The following RTTN variants were observed in gnomAD, a reference collection of about 807,000 sequenced individuals.
The protein encoded by RTTN is rotatin.
Under a neutral mutation model 269.2 loss-of-function variants are expected in RTTN, and 182 were observed. The ratio of observed to expected loss-of-function variants is 0.68; its 90% CI spans 0.60 to 0.76. The LOEUF is 0.76. RTTN is among the 30% of genes least tolerant of loss of function. RTTN has a pLI of 0.00. For missense variants in RTTN, 2,545 were observed against 2,608.6 expected, an observed-to-expected ratio of 0.98 and a Z score of 0.53; for synonymous variants, 1,006 against 963.5, an observed-to-expected ratio of 1.04 and a Z score of -0.82.
Position 70,168,839 on chromosome 18 carries a change from T to C in RTTN, c.1689+16A>G. 1 of 1,568,668 alleles carries C rather than the reference T, an allele frequency of 6.4e-7. No homozygotes were observed. The highest frequency in any genetic ancestry group is 8.7e-7 in the Non-Finnish European group (1 of 1,153,638). On this transcript the variant is annotated intron_variant, in intron 12 of 48. Transcript: ENST00000640769. ...TGTCAAAGGGATTTAAAAGAGATAT[T>C]AAAAAAGCTTTTTACCTCTTTCCCA...
In RTTN at chr18:70,148,892, T is replaced by G; in HGVS notation, c.2309+9A>C. On this transcript the variant is annotated intron_variant, in intron 17 of 48. Coordinates refer to ENST00000640769, the MANE Select transcript of RTTN (RefSeq NM_173630.4). ...ATCTTTGACGTTCACAAGATTACGTTGTACTCACGATGGCTTTTTCACTAG... is the reference window on the plus strand; with the variant it reads ...ATCTTTGACGTTCACAAGATTACGTGGTACTCACGATGGCTTTTTCACTAG... 6.2e-7 allele frequency: 1 copy of G among 1,613,272 alleles called. No individual in the cohort carries two copies. The highest frequency in any genetic ancestry group is 8.5e-7 in the Non-Finnish European group (1 of 1,179,374).
At chr18:70,161,355 G>T (rs1280813543) in intron 14 of RTTN, among the ~76,000 whole-genome samples, 1 of 151,978 alleles carries the variant, frequency 6.6e-6, no homozygotes, top group Non-Finnish European at 1.5e-5. Context: ...ACTCAAAATG[G>T]ATTAGACTTA....
At chr18:70,028,354 CTTCA>C (rs1443152549) in intron 43 of RTTN, among the ~76,000 whole-genome samples, 1 of 152,082 alleles carries the variant, frequency 6.6e-6, no homozygotes, top group Non-Finnish European at 1.5e-5. Context: ...GCAGGAAACT[CTTCA>C]TTTTCTTTCC....
intron 23 of RTTN, among the ~76,000 whole-genome samples, chr18:70,133,042 T>G (rs953673181): frequency 6.6e-6 from 1 of 152,108 alleles, no homozygotes; most frequent in African/African-American, 2.4e-5. Context: ...AAACTATAAA[T>G]GCATGATGGG....
rs764689316 is a variant in RTTN at position 70,135,154 on chromosome 18, G to T, written c.2885+30C>A. On this transcript the variant is annotated intron_variant, in intron 22 of 48. Coordinates refer to ENST00000640769, the MANE Select transcript of RTTN (RefSeq NM_173630.4). The stretch of plus-strand genomic sequence containing the variant: ...AGATACCTGAGATAAATAGTTAAGA[G>T]TAAAAAACTTATAAATTCTTATATC... 3.2e-6 allele frequency: 4 copies of T among 1,258,352 alleles called. No homozygotes were observed. The East Asian group carries it at 7.7e-5, about 24-fold the overall frequency. 77.9% of individuals were successfully genotyped at this position (1,258,352 alleles called of 1,614,324 possible). A position where few individuals can be genotyped will look rare whatever the true frequency, so the allele number is the denominator to read the frequency against.
rs74679198 is a variant in RTTN, at chr18:70,149,326, G to A, written c.2173-289C>T. Among the ~76,000 whole-genome samples, 2,991 of 151,914 alleles carry A rather than the reference G, an allele frequency of 0.02. 48 individuals are homozygous for A. Among genetic ancestry groups the A allele is most frequent in the Middle Eastern group, 0.048 (14 of 294 alleles). On this transcript the variant is annotated intron_variant, in intron 16 of 48. Transcript: ENST00000640769. ...GATTCTAATAGTGGCACCTCCCCTC[G>A]GTGAAGCACCTCACAGATCCTCAGC...
At chr18:70,157,183 C>G (rs1254488174) in intron 14 of RTTN, among the ~76,000 whole-genome samples, 5 of 152,164 alleles carry the variant, frequency 3.3e-5, no homozygotes, top group African/African-American at 9.7e-5. Flanking sequence ...CGCCCCACGC[C>G]CCCCCAGAGC....
chr18:70,197,449 A>G (rs1210401207), intron 6 of RTTN, among the ~76,000 whole-genome samples, 175 bp downstream of exon 6: 1 of 152,220 alleles, frequency 6.6e-6, no homozygotes, highest in Non-Finnish European at 1.5e-5. Flanking sequence ...CTACTATTGG[A>G]AGAACTATAA....
chr18:70,188,035 G>A (rs970892822), intron 10 of RTTN, 73 bp downstream of exon 10: 14 of 815,688 alleles, frequency 1.7e-5, no homozygotes, highest in African/African-American at 3.4e-5. Context: ...ATGAGACAAT[G>A]AAACCGGCTT....
chr18:70,058,873 T>A (rs1372717650), intron 36 of RTTN, among the ~76,000 whole-genome samples: 1 of 152,222 alleles, frequency 6.6e-6, no homozygotes, highest in African/African-American at 2.4e-5. Context: ...AAGGAATAAT[T>A]ACAATTGAAT....
chr18:70,159,278 A>T (rs1415642120), intron 14 of RTTN, among the ~76,000 whole-genome samples: 1 of 152,236 alleles, frequency 6.6e-6, no homozygotes, highest in East Asian at 1.9e-4. Context: ...ATTATTACCA[A>T]GAAGATCTCT....
intron 8 of RTTN, among the ~76,000 whole-genome samples, chr18:70,191,858 A>G (rs2061679317): frequency 6.6e-6 from 1 of 152,256 alleles, no homozygotes. Flanking sequence ...AGGAAGTTTC[A>G]GTGAGGAAGC....
At chr18:70,092,389 TAA>T (rs1196138670) in intron 29 of RTTN, among the ~76,000 whole-genome samples, 169 bp from the exon 30 acceptor site, 1 of 152,204 alleles carries the variant, frequency 6.6e-6, no homozygotes, top group Non-Finnish European at 1.5e-5. Flanking sequence ...TGTTTCTCTT[TAA>T]AAAGTTAAAC....
intron 28 of RTTN, among the ~76,000 whole-genome samples, chr18:70,100,452 T>C (rs1268229886): frequency 6.6e-6 from 1 of 152,260 alleles, no homozygotes; most frequent in Non-Finnish European, 1.5e-5. Flanking sequence ...TTGCTGAAGT[T>C]GCTTATCAGC....
chr18:70,005,162 G>C, intron 48 of RTTN, 36 bp downstream of exon 48: 1 of 1,492,550 alleles, frequency 6.7e-7, no homozygotes, highest in South Asian at 1.2e-5. Flanking sequence ...AATAGCTTCT[G>C]AGTTTAACTA....
At chr18:70,041,937 T>C (rs2144723799) in intron 40 of RTTN, among the ~76,000 whole-genome samples, 1 of 152,146 alleles carries the variant, frequency 6.6e-6, no homozygotes, top group African/African-American at 2.4e-5. Context: ...TAACCCCCAT[T>C]GGTCCCCTTG....
At chr18:70,026,451 C>T (rs919717959) in intron 43 of RTTN, among the ~76,000 whole-genome samples, 4 of 152,092 alleles carry the variant, frequency 2.6e-5, no homozygotes, top group Non-Finnish European at 1.5e-5. Flanking sequence ...CGCCAGCTCT[C>T]TCACTCTTGC....
chr18:70,034,786 C>G (rs1291616645), intron 40 of RTTN, among the ~76,000 whole-genome samples: 1 of 152,140 alleles, frequency 6.6e-6, no homozygotes, highest in East Asian at 1.9e-4. Flanking sequence ...GATCCTATAT[C>G]TAGAAAACCC....
intron 46 of RTTN, among the ~76,000 whole-genome samples, chr18:70,013,395 G>A (rs975403364): frequency 9.7e-5 from 14 of 144,436 alleles, no homozygotes; most frequent in African/African-American, 2.4e-4. Flanking sequence ...ATATACATAT[G>A]TGTGTGTGTG....
Sources: allele counts gnomAD v4.1 joint callset (sites outside exome capture counted in the v4.1 genomes callset), GRCh38; gene constraint gnomAD v4.1.1; transcripts MANE v1.5; gene names NCBI Gene and HGNC (gene_info 2026-07-23, HGNC 2026-07-21).